Variants in STK24 observed in about 807,000 individuals in gnomAD.
STK24 encodes the protein serine/threonine kinase 24, also known as serine/threonine-protein kinase 24.
A neutral mutation model predicts 55.6 loss-of-function variants in STK24; 21 were observed. That is an observed-to-expected ratio of 0.38 (90% CI 0.27 to 0.54). STK24 has a LOEUF of 0.54. STK24 is among the 20% of genes least tolerant of loss of function. The pLI is 0.79. For synonymous variants in STK24, 200 were observed against 215.2 expected, an observed-to-expected ratio of 0.93 and a Z score of 0.62; for missense variants, 383 against 538.4, an observed-to-expected ratio of 0.71 and a Z score of 2.86.
At chr13:98,515,382 G>GACACA (rs55782438) in intron 2 of STK24, among the ~76,000 whole-genome samples, 1 of 151,184 alleles carries the variant, frequency 6.6e-6, no homozygotes, top group Non-Finnish European at 1.5e-5. Flanking sequence ...GCTGGGACAT[G>GACACA]GAGGATTCTG....
At chr13:98,475,407 A>G in intron 3 of STK24, 49 bp from the exon 4 acceptor site, 1 of 1,356,308 alleles carries the variant, frequency 7.4e-7, no homozygotes, top group African/African-American at 1.5e-5. Context: ...TTATCTTATG[A>G]AAAGTTTGAG....
intron 1 of STK24, among the ~76,000 whole-genome samples, chr13:98,538,347 C>T (rs1224526743): frequency 2.7e-5 from 4 of 150,778 alleles, no homozygotes; most frequent in Non-Finnish European, 5.9e-5. Context: ...GCCTCAGCTT[C>T]CCTGGTAGCT....
At chr13:98,527,503 G>A (rs987166297) in intron 1 of STK24, among the ~76,000 whole-genome samples, 2 of 152,218 alleles carry the variant, frequency 1.3e-5, no homozygotes, top group African/African-American at 4.8e-5. Flanking sequence ...GGCCAGATCA[G>A]AGTCAAGAGC....
At chr13:98,529,904 T>C (rs1896536869) in intron 1 of STK24, among the ~76,000 whole-genome samples, 2 of 152,234 alleles carry the variant, frequency 1.3e-5, no homozygotes, top group Admixed American at 6.5e-5. Context: ...ACCTTTAAAA[T>C]TGCCTTATAA....
At chr13:98,516,013 C>A (rs1896044579) in intron 2 of STK24, among the ~76,000 whole-genome samples, 1 of 152,192 alleles carries the variant, frequency 6.6e-6, no homozygotes, top group Non-Finnish European at 1.5e-5. Context: ...TAATCTGTAT[C>A]CTCCTTGACA....
chr13:98,533,759 A>AACAC (rs369424726), intron 1 of STK24, among the ~76,000 whole-genome samples: 39 of 151,204 alleles, frequency 2.6e-4, no homozygotes, highest in African/African-American at 8.2e-4. Context: ...CTCAGTACCC[A>AACAC]ACACACACAC....
At position 98,457,691 on chromosome 13, in the gene STK24, A is replaced by T. The variant is rs371750801; in HGVS notation, c.1123-387T>A. 2.3e-3 allele frequency among the ~76,000 whole-genome samples: 355 copies of T among 152,104 alleles called. 5 individuals are homozygous for T. The highest frequency in any genetic ancestry group is 8.4e-3 in the African/African-American group (349 of 41,494). The stretch of plus-strand genomic sequence containing the variant: ...CACCATGTTGGCCAGGCTGGTCTTG[A>T]ACTCCTGACCTCAAGTGATCCGCCC... On this transcript the variant is annotated intron_variant, in intron 9 of 10. Transcript: ENST00000539966.
chr13:98,564,727 A>G (rs979021740), intron 1 of STK24, among the ~76,000 whole-genome samples: 2 of 152,150 alleles, frequency 1.3e-5, no homozygotes, highest in African/African-American at 4.8e-5. Context: ...CTAGATCTTG[A>G]GAGATGCACT....
chr13:98,454,013 C>G (rs1387831524), intron 10 of STK24: 1 of 152,152 alleles, frequency 6.6e-6, no homozygotes, highest in African/African-American at 2.4e-5. Flanking sequence ...TGCTGGCGCT[C>G]AAAAGTTTCA....
In STK24 at chr13:98,450,132, G is replaced by A. The variant is rs1893117316; in HGVS notation, c.*3041C>T. 1 of 152,226 alleles carries A rather than the reference G, an allele frequency of 6.6e-6. No homozygotes were observed. Among genetic ancestry groups the A allele is most frequent in the South Asian group, 2.1e-4 (1 of 4,836 alleles). The allele number at this position is 152,226 out of a possible 1,614,324, so 9.4% of individuals were successfully genotyped here. A position where few individuals can be genotyped will look rare whatever the true frequency, so the allele number is the denominator to read the frequency against. ...CCTGTGTGCCCTCAAGAAAATACTA[G>A]TGTGGGTAACAGTCCATCTGAGTGG... is the stretch of plus-strand genomic sequence containing the variant. On this transcript the variant is annotated 3_prime_UTR_variant, in exon 11 of 11. Transcript: ENST00000539966.
chr13:98,522,116 TG>T, intron 1 of STK24: 1 of 1,283,524 alleles, frequency 7.8e-7, no homozygotes, highest in Non-Finnish European at 9.9e-7. Context: ...AGTGCTGCAA[TG>T]TCGTGTCTGA....
In STK24 at chr13:98,474,987, G is replaced by C; in HGVS notation, c.440-9C>G. 1 of 1,606,512 alleles carries C rather than the reference G, an allele frequency of 6.2e-7. No individual in the cohort carries two copies. Among genetic ancestry groups the C allele is most frequent in the Non-Finnish European group, 8.5e-7 (1 of 1,176,498 alleles). On this transcript the variant is annotated splice_polypyrimidine_tract_variant and intron_variant, in intron 4 of 10. Transcript: ENST00000539966. ...CAGCAGGACGTTGGCCGCTGCAAAAGAAAGCCAAGGCGGCCCTGGGCGGTG... is the reference window on the plus strand; with the variant it reads ...CAGCAGGACGTTGGCCGCTGCAAAACAAAGCCAAGGCGGCCCTGGGCGGTG...
chr13:98,576,319 T>C (rs1314398240), intron 1 of STK24: 2 of 729,534 alleles, frequency 2.7e-6, no homozygotes, highest in Non-Finnish European at 3.4e-6. Context: ...GGGACGAGCC[T>C]GGGGGACGCG....
At chr13:98,571,717 C>G (rs1897744436) in intron 1 of STK24, among the ~76,000 whole-genome samples, 1 of 152,108 alleles carries the variant, frequency 6.6e-6, no homozygotes, top group African/African-American at 2.4e-5. Flanking sequence ...TACTCTTTAG[C>G]ACTGATCAGC....
intron 1 of STK24, among the ~76,000 whole-genome samples, chr13:98,534,691 T>C (rs1356482955): frequency 6.6e-6 from 1 of 152,142 alleles, no homozygotes; most frequent in African/African-American, 2.4e-5. Flanking sequence ...AGACCGGTAA[T>C]CTGGCTCAAC....
chr13:98,475,097 C>T, intron 4 of STK24, 119 bp from the exon 5 acceptor site: 2 of 1,439,164 alleles, frequency 1.4e-6, no homozygotes. Context: ...ACCGGGGCTA[C>T]ACTTTTTGTC....
chr13:98,527,618 C>T (rs1322331032), intron 1 of STK24, among the ~76,000 whole-genome samples: 1 of 152,162 alleles, frequency 6.6e-6, no homozygotes, highest in Non-Finnish European at 1.5e-5. Flanking sequence ...CCTCCATGTG[C>T]CCCTGTGCCT....
chr13:98,535,398 TACACACACACACACACAC>T lies in STK24; in HGVS notation c.43-15943_43-15926del, dbSNP rs56768700. On this transcript the variant is annotated intron_variant, in intron 1 of 10. Coordinates refer to ENST00000539966, the MANE Select transcript of STK24 (RefSeq NM_001032296.4). ...ATATATATATATATATATGTGTGTATACACACACACACACACACACACACACACACACACACACGCAAT... is the reference window on the plus strand; with the variant it reads ...ATATATATATATATATATGTGTGTATACACACACACACACACACACGCAAT... 7.8e-4 allele frequency among the ~76,000 whole-genome samples: 112 copies of T among 142,796 alleles called. 2 individuals are homozygous for T. Among genetic ancestry groups the T allele is most frequent in the African/African-American group, 1.6e-3 (60 of 37,492 alleles). The allele number at this position is 142,796 out of a possible 152,430, so 93.7% of individuals were successfully genotyped here.
At chr13:98,488,657 T>C (rs1894900841) in intron 2 of STK24, among the ~76,000 whole-genome samples, 1 of 152,166 alleles carries the variant, frequency 6.6e-6, no homozygotes, top group Non-Finnish European at 1.5e-5. Context: ...ATAGACATAC[T>C]ATCAATAACC....
Sources: gnomAD v4.1 joint callset for allele counts (sites outside exome capture counted in the v4.1 genomes callset) on GRCh38, gnomAD v4.1.1 for gene constraint, MANE v1.5 for transcripts, NCBI Gene and HGNC (gene_info 2026-07-23, HGNC 2026-07-21) for gene names.